The following TMCO1 variants were observed in gnomAD, a reference collection of about 807,000 sequenced individuals.
The protein encoded by TMCO1 is transmembrane and coiled-coil domains 1, also known as calcium load-activated calcium channel.
A neutral mutation model predicts 29.3 loss-of-function variants in TMCO1; 29 were observed. That is an observed-to-expected ratio of 0.99 (90% CI 0.74 to 1.35). The LOEUF is 1.35. Ranked by LOEUF, TMCO1 falls within the 40% of genes most tolerant of loss-of-function variation. The pLI is 0.00. For synonymous variants in TMCO1, 80 were observed against 77.1 expected, an observed-to-expected ratio of 1.04 and a Z score of -0.20; for missense variants, 173 against 225.5, an observed-to-expected ratio of 0.77 and a Z score of 1.49.
chr1:165,749,436 A>G (rs1045189663), intron 5 of TMCO1, among the ~76,000 whole-genome samples: 3 of 152,254 alleles, frequency 2.0e-5, no homozygotes, highest in African/African-American at 4.8e-5. Flanking sequence ...TGATATTGAC[A>G]ATGGTTAAAA....
At chr1:165,743,416 C>G in intron 5 of TMCO1, 105 bp from the exon 6 acceptor site, 1 of 1,199,204 alleles carries the variant, frequency 8.3e-7, no homozygotes, top group Non-Finnish European at 1.2e-6. Context: ...AGTCTCTGAT[C>G]TCTGAAAAAC....
intron 5 of TMCO1, among the ~76,000 whole-genome samples, chr1:165,746,488 C>CACACACAG (rs1333107068): frequency 6.7e-6 from 1 of 149,798 alleles, no homozygotes; most frequent in South Asian, 2.1e-4. Flanking sequence ...CACACACACA[C>CACACACAG]AGCATCTAGT....
chr1:165,745,483 A>C (rs898761241), intron 5 of TMCO1, among the ~76,000 whole-genome samples: 2 of 148,644 alleles, frequency 1.3e-5, no homozygotes, highest in Non-Finnish European at 3.0e-5. Context: ...CCAAAAAAAA[A>C]AAAAAAAAAA....
At position 165,766,886 on chromosome 1, in the gene TMCO1, G is replaced by A. The variant is rs538523936; in HGVS notation, c.148+1306C>T. Among the ~76,000 whole-genome samples, 97 of 152,286 alleles carry A rather than the reference G, an allele frequency of 6.4e-4. 1 individual carries two copies. The South Asian group carries it at 0.019, about 30-fold the overall frequency. ...ATCAAGGTTTCTGGCTTACACTACT[G>A]GAAGCATGGAGGTACCCATCACCAA... On this transcript the variant is annotated intron_variant, in intron 2 of 6. Transcript: ENST00000367881.
intron 1 of TMCO1, 29 bp from the exon 2 acceptor site, chr1:165,768,298 G>A: frequency 6.3e-7 from 1 of 1,593,026 alleles, no homozygotes; most frequent in Non-Finnish European, 8.6e-7. Flanking sequence ...CATGTTAATA[G>A]AGAAATGACT....
chr1:165,758,212 G>T (rs1387344066), intron 3 of TMCO1, among the ~76,000 whole-genome samples: 1 of 151,924 alleles, frequency 6.6e-6, no homozygotes, highest in Non-Finnish European at 1.5e-5. Context: ...AACTTATCTG[G>T]CAATACTTTT....
In TMCO1 at chr1:165,752,601, T is replaced by C. The variant is rs542524472; in HGVS notation, c.256-432A>G. Among the ~76,000 whole-genome samples the C allele has an allele frequency of 2.6e-5, 4 of 151,470 alleles. No individual in the cohort carries two copies. The South Asian group carries it at 8.4e-4, about 32-fold the overall frequency. ...TCTCCGTAGCAGTTCAAGACCAGCC[T>C]GGCCAACATGGTGAAACCCCATCTC... On this transcript the variant is annotated intron_variant, in intron 4 of 6. Coordinates refer to ENST00000367881, the MANE Select transcript of TMCO1 (RefSeq NM_019026.6).
At chr1:165,728,741 T>C (rs1651002808) in intron 6 of TMCO1, among the ~76,000 whole-genome samples, 1 of 152,112 alleles carries the variant, frequency 6.6e-6, no homozygotes, top group Non-Finnish European at 1.5e-5. Flanking sequence ...AGCTATTTCT[T>C]ATGGGCATTT....
chr1:165,752,219 T>A, intron 4 of TMCO1, 50 bp from the exon 5 acceptor site: 6 of 1,262,656 alleles, frequency 4.8e-6, no homozygotes, highest in Non-Finnish European at 5.7e-6. Context: ...AAAACACATC[T>A]AAAGCATATC....
chr1:165,727,150 A>G lies in TMCO1; in HGVS notation c.*873T>C. ...GAAAATGAAGGCTATTGTGACTAAA[A>G]GGAAGCTCTGCGAGATTAACAACAT... On this transcript the variant is annotated 3_prime_UTR_variant, in exon 7 of 7. Transcript: ENST00000367881. 2.2e-6 allele frequency: 1 copy of G among 454,148 alleles called. No homozygotes were observed. Among genetic ancestry groups the G allele is most frequent in the Non-Finnish European group, 4.4e-6 (1 of 226,794 alleles). The allele number at this position is 454,148 out of a possible 1,614,324, so 28.1% of individuals were successfully genotyped here. A position where few individuals can be genotyped will look rare whatever the true frequency, so the allele number is the denominator to read the frequency against.
intron 6 of TMCO1, among the ~76,000 whole-genome samples, chr1:165,738,260 T>C (rs1166582780): frequency 1.3e-5 from 2 of 152,168 alleles, no homozygotes; most frequent in South Asian, 2.1e-4. Flanking sequence ...GTCACTGCAC[T>C]CTAGCCGGAG....
At chr1:165,738,497 A>G (rs969046926) in intron 6 of TMCO1, among the ~76,000 whole-genome samples, 2 of 152,236 alleles carry the variant, frequency 1.3e-5, no homozygotes, top group African/African-American at 4.8e-5. Flanking sequence ...CATGTAACCT[A>G]AGATCTTAAA....
chr1:165,733,512 A>T (rs1651248947), intron 6 of TMCO1, among the ~76,000 whole-genome samples: 1 of 151,952 alleles, frequency 6.6e-6, no homozygotes, highest in African/African-American at 2.4e-5. Context: ...GAGGCAGGAG[A>T]ATCATTTGAA....
rs1285259762 is a variant in TMCO1, at chr1:165,726,853, T to G, written c.*1170A>C. 1.1e-5 allele frequency: 5 copies of G among 453,854 alleles called. No homozygotes were observed. The highest frequency in any genetic ancestry group is 9.4e-5 in the Admixed American group (4 of 42,550). The allele number at this position is 453,854 out of a possible 1,614,324, so 28.1% of individuals were successfully genotyped here. ...CCAATATTGTACATAAAATTCTAAGTTGATACTTATTTTCCTCAGCACTTT... is the reference window on the plus strand; with the variant it reads ...CCAATATTGTACATAAAATTCTAAGGTGATACTTATTTTCCTCAGCACTTT... On this transcript the variant is annotated 3_prime_UTR_variant, in exon 7 of 7. Transcript: ENST00000367881.
At chr1:165,730,465 A>C (rs1234257093) in intron 6 of TMCO1, among the ~76,000 whole-genome samples, 2 of 152,252 alleles carry the variant, frequency 1.3e-5, no homozygotes, top group African/African-American at 2.4e-5. Context: ...TTACCATAAA[A>C]TATTTCAGTA....
chr1:165,734,809 TTTTTGTTTTG>T (rs532360985), intron 6 of TMCO1, among the ~76,000 whole-genome samples: 12 of 152,142 alleles, frequency 7.9e-5, no homozygotes, highest in East Asian at 1.9e-4. Context: ...GGCCCATCGT[TTTTTGTTTTG>T]TTTTGTTTTG....
rs1652108653 is a variant in TMCO1 at position 165,754,230 on chromosome 1, T to C, written c.253A>G (p.Met85Val). 3.1e-6 allele frequency: 5 copies of C among 1,610,184 alleles called. No individual in the cohort carries two copies. The highest frequency in any genetic ancestry group is 3.4e-6 in the Non-Finnish European group (4 of 1,176,772). The change falls in exon 4 of 7, where the codon ATG becomes GTG. Residue 85 changes from methionine to valine, a missense_variant and splice_region_variant. Physicochemically the swap from Met to Val is conservative, Grantham distance 21 (BLOSUM62 1). Transcript: ENST00000367881. Reference protein sequence around the residue: ...KLKNNNRDLSMVRMKSMFAIG... With the variant: ...KLKNNNRDLSVVRMKSMFAIG... The stretch of plus-strand genomic sequence containing the variant: ...GAAGTTATAGTTAGGTCTCTTACCA[T>C]TGATAGATCTCTGTTGTTATTCTTC...
rs866479927 is a variant in TMCO1, at chr1:165,730,359, A to C, written c.469-2238T>G. Among the ~76,000 whole-genome samples the C allele has an allele frequency of 1.8e-3, 201 of 110,766 alleles. 2 individuals are homozygous for C. The highest frequency in any genetic ancestry group is 5.9e-3 in the African/African-American group (181 of 30,494). 72.7% of individuals were successfully genotyped at this position (110,766 alleles called of 152,430 possible). A position where few individuals can be genotyped will look rare whatever the true frequency, so the allele number is the denominator to read the frequency against. ...CAAAACAAAAACAAAACAAAACAAA[A>C]AAAAAAAAAGAATGTGTATTGAGGT... On this transcript the variant is annotated intron_variant, in intron 6 of 6. Transcript: ENST00000367881.
In TMCO1 at chr1:165,767,896, A is replaced by T. The variant is rs12082722; in HGVS notation, c.148+296T>A. On this transcript the variant is annotated intron_variant, in intron 2 of 6. Coordinates refer to ENST00000367881, the MANE Select transcript of TMCO1 (RefSeq NM_019026.6). Reference sequence around the variant, plus strand: ...CCTATGTTGCCCAGGCTGGTGTCAAACCCCTAAGTTCAGTCCTGCCTCAGC... The same window carrying T: ...CCTATGTTGCCCAGGCTGGTGTCAATCCCCTAAGTTCAGTCCTGCCTCAGC... Among the ~76,000 whole-genome samples, 1,086 of 152,178 alleles carry T rather than the reference A, an allele frequency of 7.1e-3. 24 individuals are homozygous for T. The highest frequency in any genetic ancestry group is 0.05 in the South Asian group (241 of 4,822).
Sources: gnomAD v4.1 joint callset for allele counts (sites outside exome capture counted in the v4.1 genomes callset) on GRCh38, gnomAD v4.1.1 for gene constraint, MANE v1.5 for transcripts, NCBI Gene and HGNC (gene_info 2026-07-23, HGNC 2026-07-21) for gene names.